Variants in ABLIM1 observed in about 807,000 individuals in gnomAD.
ABLIM1 encodes actin binding LIM protein 1, also known as actin-binding LIM protein 1.
In ABLIM1, 40 loss-of-function variants were observed where a neutral mutation model predicts 107.0. The observed-to-expected ratio is 0.37, with a 90% CI of 0.29 to 0.49. The LOEUF (loss-of-function observed/expected upper bound fraction) is 0.49, where lower values mean the gene tolerates loss of function less well. Among genes scored for constraint, ABLIM1 ranks in the 20% least tolerant of loss-of-function variants. ABLIM1 has a pLI of 0.97. For synonymous variants in ABLIM1, 357 were observed against 357.3 expected (o/e 1.00, Z 0.01); for missense variants, 857 against 1,008.5 (o/e 0.85, Z 2.04).
intron 1 of ABLIM1, among the ~76,000 whole-genome samples, chr10:114,765,720 A>G (rs1324958515): frequency 1.3e-5 from 2 of 152,244 alleles, no homozygotes; most frequent in African/African-American, 2.4e-5. Context: ...CACATAAATA[A>G]AAGTGCTGCA....
chr10:114,648,366 G>A (rs764902861), intron 1 of ABLIM1, among the ~76,000 whole-genome samples: 1 of 152,174 alleles, frequency 6.6e-6, no homozygotes, highest in Non-Finnish European at 1.5e-5. Context: ...ATACGGTATT[G>A]ATAAATGCTA....
intron 2 of ABLIM1, among the ~76,000 whole-genome samples, chr10:114,578,785 C>CTTTTTTTTTTTTTT (rs35420465): frequency 1.8e-5 from 2 of 111,720 alleles, no homozygotes; most frequent in Non-Finnish European, 3.4e-5. Flanking sequence ...TCTTTCTTTT[C>CTTTTTTTTTTTTTT]TTTTTTTTTT....
chr10:114,535,189 G>A (rs901984057), intron 6 of ABLIM1, among the ~76,000 whole-genome samples: 9 of 152,336 alleles, frequency 5.9e-5, no homozygotes, highest in East Asian at 1.9e-4. Flanking sequence ...CAGCACTGGA[G>A]AGGTTTTACA....
chr10:114,749,870 G>A (rs2082473539), intron 1 of ABLIM1, among the ~76,000 whole-genome samples: 1 of 151,986 alleles, frequency 6.6e-6, no homozygotes, highest in South Asian at 2.1e-4. Context: ...TTGTTTAAAT[G>A]TCACCTTCTC....
In ABLIM1 at chr10:114,440,006, T is replaced by G. The variant is rs981810022; in HGVS notation, c.2067+76A>C. The G allele has an allele frequency of 3.1e-6, 5 of 1,611,062 alleles. No individual in the cohort carries two copies. The African/African-American group carries it at 6.7e-5, about 22-fold the overall frequency. On this transcript the variant is annotated intron_variant, in intron 20 of 22. Coordinates refer to ENST00000533213, the MANE Select transcript of ABLIM1 (RefSeq NM_002313.7). ...ATCTTCTCAACAGAAACTGTTGCCT[T>G]GGAGCCAGCAGTCTGGGTTGGAACA...
At chr10:114,644,137 T>C (rs12763337) in intron 1 of ABLIM1, among the ~76,000 whole-genome samples, 10,370 of 149,052 alleles carry the variant, frequency 0.07, 439 homozygotes, top group South Asian at 0.12. Flanking sequence ...AAAAATTAGC[T>C]GGGCATGGTG....
chr10:114,459,177 G>A (rs947068973), intron 12 of ABLIM1, among the ~76,000 whole-genome samples: 5 of 152,258 alleles, frequency 3.3e-5, no homozygotes, highest in Non-Finnish European at 7.3e-5. Flanking sequence ...GAGTGGCAAA[G>A]GGCGCCCCCT....
At chr10:114,761,312 A>G (rs890964661) in intron 1 of ABLIM1, among the ~76,000 whole-genome samples, 2 of 149,208 alleles carry the variant, frequency 1.3e-5, no homozygotes, top group Non-Finnish European at 3.0e-5. Flanking sequence ...CCCTCCGCCC[A>G]CATTCTAACC....
chr10:114,705,720 G>A (rs1416122138), intron 1 of ABLIM1, among the ~76,000 whole-genome samples: 2 of 152,180 alleles, frequency 1.3e-5, no homozygotes, highest in African/African-American at 2.4e-5. Context: ...AAGCAGAAAA[G>A]GTTAAGAAAC....
At chr10:114,670,580 G>C (rs78821967) in intron 1 of ABLIM1, among the ~76,000 whole-genome samples, 4 of 152,054 alleles carry the variant, frequency 2.6e-5, no homozygotes, top group South Asian at 2.1e-4. Context: ...TGCAACCTCC[G>C]ACTCCCGGCT....
At chr10:114,462,156 T>C (rs964082724) in intron 12 of ABLIM1, among the ~76,000 whole-genome samples, 1 of 152,122 alleles carries the variant, frequency 6.6e-6, no homozygotes, top group African/African-American at 2.4e-5. Flanking sequence ...AGCTCCTCAA[T>C]GGAAGCATCA....
At chr10:114,630,676 A>G (rs1222934511) in intron 1 of ABLIM1, among the ~76,000 whole-genome samples, 1 of 152,164 alleles carries the variant, frequency 6.6e-6, no homozygotes, top group Non-Finnish European at 1.5e-5. Flanking sequence ...TTCATCTTAA[A>G]TCTATTCCCT....
chr10:114,704,269 T>TCG (rs1432125287), intron 1 of ABLIM1, among the ~76,000 whole-genome samples: 2 of 73,726 alleles, frequency 2.7e-5, no homozygotes, highest in African/African-American at 5.4e-5. Context: ...TATCTCTCTC[T>TCG]CGCTCTCTCT....
intron 1 of ABLIM1, among the ~76,000 whole-genome samples, chr10:114,617,638 T>C (rs1385271789): frequency 6.6e-6 from 1 of 152,186 alleles, no homozygotes; most frequent in African/African-American, 2.4e-5. Context: ...CTCTGGGCTG[T>C]GCTTCTACTC....
rs1168481617 is a variant in ABLIM1 at position 114,619,048 on chromosome 10, C to T, written c.245-17087G>A. On this transcript the variant is annotated intron_variant, in intron 1 of 22. Transcript: ENST00000533213. This position sits in a 1 kb window ranked among gnomAD's most constrained non-coding sequence, Gnocchi z 4.1. ...AAGTCAAGATAGGGGTGATGACAGA[C>T]ATGCCCTGCACCCAAGGAATGGTTA... Among the ~76,000 whole-genome samples the T allele has an allele frequency of 6.6e-6, 1 of 152,134 alleles. No individual in the cohort carries two copies. The highest frequency in any genetic ancestry group is 2.4e-5 in the African/African-American group (1 of 41,436).
chr10:114,765,190 G>A (rs1318050123), intron 1 of ABLIM1, among the ~76,000 whole-genome samples: 1 of 151,960 alleles, frequency 6.6e-6, no homozygotes, highest in Non-Finnish European at 1.5e-5. Flanking sequence ...GGGACTACAG[G>A]CATGCGCCAC....
the ABLIM1 span, among the ~76,000 whole-genome samples, chr10:114,783,675 C>G: frequency 6.6e-6 from 1 of 151,768 alleles, no homozygotes; most frequent in Non-Finnish European, 1.5e-5. Context: ...AAAGTGGTCA[C>G]TTATCTCTCT....
At chr10:114,581,458 C>T (rs2073364730) in intron 2 of ABLIM1, among the ~76,000 whole-genome samples, 1 of 152,132 alleles carries the variant, frequency 6.6e-6, no homozygotes, top group Non-Finnish European at 1.5e-5. Context: ...AAAACTCTAC[C>T]CAATGGTGGG....
chr10:114,453,688 G>A (rs182015003), intron 12 of ABLIM1, among the ~76,000 whole-genome samples: 1 of 152,310 alleles, frequency 6.6e-6, no homozygotes, highest in Admixed American at 6.5e-5. Context: ...TTGAACTCAG[G>A]TGGAGCTGGG....
Sources: gnomAD v4.1 joint callset for allele counts (sites outside exome capture counted in the v4.1 genomes callset) on GRCh38, gnomAD v4.1.1 for gene constraint, Gnocchi (gnomAD v3.1) non-coding constraint, MANE v1.5 for transcripts, NCBI Gene and HGNC (gene_info 2026-07-23, HGNC 2026-07-21) for gene names.